The following DISP1 variants were observed in gnomAD, a reference collection of about 807,000 sequenced individuals.
The protein encoded by DISP1 is protein dispatched homolog 1.
A neutral mutation model predicts 37.3 loss-of-function variants in DISP1; 30 were observed. That is an observed-to-expected ratio of 0.80 (90% CI 0.60 to 1.09). The LOEUF is 1.09. Among genes scored for constraint, DISP1 ranks in the 50% least tolerant of loss-of-function variants. DISP1 has a pLI of 0.00. For synonymous variants in DISP1, 634 were observed against 690.2 expected (o/e 0.92, Z 1.28); for missense variants, 1,598 against 1,879.5 (o/e 0.85, Z 2.77).
At chr1:222,942,536 A>G (rs1028248951) in intron 2 of DISP1, among the ~76,000 whole-genome samples, 2 of 152,000 alleles carry the variant, frequency 1.3e-5, no homozygotes, top group Admixed American at 6.6e-5. Flanking sequence ...TGGGGTGAGA[A>G]GAAGGGCACT....
chr1:222,873,720 CTT>C (rs1371969688), intron 1 of DISP1, among the ~76,000 whole-genome samples: 1 of 152,196 alleles, frequency 6.6e-6, no homozygotes, highest in Non-Finnish European at 1.5e-5. Context: ...GGTCTTGACT[CTT>C]TTCCAATTTG....
intron 1 of DISP1, among the ~76,000 whole-genome samples, chr1:222,881,893 T>C (rs1016236853): frequency 1.3e-5 from 2 of 152,228 alleles, no homozygotes; most frequent in South Asian, 2.1e-4. Context: ...TATATATTTA[T>C]GTATATGTCT....
intron 1 of DISP1, among the ~76,000 whole-genome samples, chr1:222,836,126 C>CT (rs1436110539): frequency 6.6e-6 from 1 of 152,058 alleles, no homozygotes; most frequent in Admixed American, 6.6e-5. Flanking sequence ...GTACTAGAAT[C>CT]TTTAAGTGAC....
chr1:222,851,558 T>C (rs1668234267), intron 1 of DISP1, among the ~76,000 whole-genome samples: 1 of 152,190 alleles, frequency 6.6e-6, no homozygotes, highest in Non-Finnish European at 1.5e-5. Flanking sequence ...AAAGTGTTAC[T>C]CAGCACATAT....
chr1:222,821,269 T>A (rs1309355664), intron 1 of DISP1, among the ~76,000 whole-genome samples: 1 of 152,236 alleles, frequency 6.6e-6, no homozygotes, highest in Admixed American at 6.5e-5. Context: ...AAGTAACTTT[T>A]CTATTTAAAG....
Position 222,936,938 on chromosome 1 carries a change from TA to T in DISP1, c.-17-5868del, listed in dbSNP as rs1673939334. ...TATATATTATATAATATGTAATATA[TA>T]TTATATATTACATATTATATTATTT... On this transcript the variant is annotated intron_variant, in intron 2 of 8. Coordinates refer to ENST00000675850, the MANE Select transcript of DISP1 (RefSeq NM_001377229.1). 1.0e-4 allele frequency among the ~76,000 whole-genome samples: 8 copies of T among 77,710 alleles called. No individual in the cohort carries two copies. The East Asian group carries it at 1.3e-3, about 13-fold the overall frequency. The allele number at this position is 77,710 out of a possible 152,430, so 51.0% of individuals were successfully genotyped here.
At position 222,905,834 on chromosome 1, in the gene DISP1, A is replaced by T. The variant is rs143416869; in HGVS notation, c.-158-22596A>T. Among the ~76,000 whole-genome samples the T allele has an allele frequency of 4.2e-3, 635 of 152,346 alleles. 13 individuals carry two copies. The highest frequency in any genetic ancestry group is 0.018 in the Admixed American group (275 of 15,306). On this transcript the variant is annotated intron_variant, in intron 1 of 8. Coordinates refer to ENST00000675850, the MANE Select transcript of DISP1 (RefSeq NM_001377229.1). ...TATGAATAAATATTATTTAAAATTAAGCATGAGTAAAAGCAAATTTAAAAA... is the reference window on the plus strand; with the variant it reads ...TATGAATAAATATTATTTAAAATTATGCATGAGTAAAAGCAAATTTAAAAA...
intron 7 of DISP1, among the ~76,000 whole-genome samples, chr1:222,993,099 T>C (rs1856537): frequency 0.98 from 148,744 of 152,094 alleles, 72,814 homozygotes; most frequent in East Asian, 1. Flanking sequence ...CTCCCGAACT[T>C]AGGTGACCAT....
intron 1 of DISP1, among the ~76,000 whole-genome samples, chr1:222,838,199 A>G (rs1244820471): frequency 1.3e-5 from 2 of 151,978 alleles, no homozygotes; most frequent in African/African-American, 2.4e-5. Context: ...TAGTGTCTTC[A>G]TTGTTATAAT....
At chr1:222,886,504 T>A (rs1425181202) in intron 1 of DISP1, among the ~76,000 whole-genome samples, 1 of 152,234 alleles carries the variant, frequency 6.6e-6, no homozygotes, top group African/African-American at 2.4e-5. Context: ...TCCCTGGTAA[T>A]AATACCTACA....
intron 1 of DISP1, among the ~76,000 whole-genome samples, chr1:222,841,333 C>G (rs139582744): frequency 3.5e-4 from 54 of 152,152 alleles, no homozygotes; most frequent in African/African-American, 1.2e-3. Context: ...TTACTGTGTG[C>G]CTGGTGCTGT....
chr1:222,937,796 CTTTTTTTTTTT>C (rs10714424), intron 2 of DISP1, among the ~76,000 whole-genome samples: 3 of 56,504 alleles, frequency 5.3e-5, no homozygotes, highest in Non-Finnish European at 9.7e-5. Context: ...AATAGCTTGC[CTTTTTTTTTTT>C]TTTTTTTTTT....
In DISP1 at chr1:223,004,008, T is replaced by C; in HGVS notation, c.2611T>C (p.Tyr871His). ...ENQDCDEPAL[Y>H]PCCSHWSFPY... ...CCAGGACTGTGATGAGCCTGCCCTG[T>C]ACCCATGCTGCAGCCACTGGAGCTT... The change falls in exon 9 of 9, where the codon TAC (tyrosine) becomes CAC (histidine). Residue 871 changes from tyrosine (Y) to histidine (H), a missense_variant. By Grantham distance (83) the Tyr-to-His change is moderately conservative. Transcript: ENST00000675850. The surrounding 1 kb of genome is among the most constrained non-coding windows in gnomAD (Gnocchi z 4.9). 6.2e-7 allele frequency: 1 copy of C among 1,614,154 alleles called. No individual in the cohort carries two copies. Among genetic ancestry groups the C allele is most frequent in the Non-Finnish European group, 8.5e-7 (1 of 1,180,024 alleles).
At chr1:222,997,114 A>T (rs1416730788) in intron 8 of DISP1, among the ~76,000 whole-genome samples, 1 of 152,012 alleles carries the variant, frequency 6.6e-6, no homozygotes, top group African/African-American at 2.4e-5. Context: ...AGATGATAAA[A>T]ATCATCATGT....
chr1:222,936,113 A>G (rs191611643), intron 2 of DISP1, among the ~76,000 whole-genome samples: 72 of 152,296 alleles, frequency 4.7e-4, no homozygotes, highest in African/African-American at 1.6e-3. Context: ...TGTGTGGTAG[A>G]CAAATACCTG....
At chr1:222,942,288 G>A (rs1220765332) in intron 2 of DISP1, among the ~76,000 whole-genome samples, 1 of 152,016 alleles carries the variant, frequency 6.6e-6, no homozygotes, top group Admixed American at 6.5e-5. Flanking sequence ...TGACTAAGGG[G>A]AAAAATCATA....
At chr1:222,912,847 T>C (rs1164856126) in intron 1 of DISP1, among the ~76,000 whole-genome samples, 1 of 152,182 alleles carries the variant, frequency 6.6e-6, no homozygotes, top group East Asian at 1.9e-4. Context: ...CACTAAAGAA[T>C]GTGAGTTAGA....
chr1:222,937,174 C>A (rs1380049837), intron 2 of DISP1, among the ~76,000 whole-genome samples: 1 of 149,280 alleles, frequency 6.7e-6, no homozygotes, highest in Non-Finnish European at 1.5e-5. Flanking sequence ...ACTGCAAGGT[C>A]CGCCTCCTGG....
intron 8 of DISP1, among the ~76,000 whole-genome samples, chr1:222,998,054 C>A (rs1679195515): frequency 1.3e-5 from 2 of 151,994 alleles, no homozygotes; most frequent in African/African-American, 4.8e-5. Flanking sequence ...GAATAATAAA[C>A]CTTTCTCATG....
Sources: gnomAD v4.1 joint callset for allele counts (sites outside exome capture counted in the v4.1 genomes callset) on GRCh38, gnomAD v4.1.1 for gene constraint, Gnocchi (gnomAD v3.1) non-coding constraint, MANE v1.5 for transcripts, NCBI Gene and HGNC (gene_info 2026-07-23, HGNC 2026-07-21) for gene names.